The following NEO1 variants were observed in gnomAD, a reference collection of about 807,000 sequenced individuals.
NEO1 encodes neogenin 1.
NEO1 carries 63 observed loss-of-function variants against 159.7 expected under a neutral mutation model. That is an observed-to-expected ratio of 0.39 (90% confidence interval 0.32 to 0.49). The LOEUF (loss-of-function observed/expected upper bound fraction) is 0.49. Ranked by LOEUF, NEO1 falls within the 20% of genes least tolerant of loss-of-function variation. The pLI, the probability that NEO1 is intolerant of heterozygous loss-of-function variation, is 0.85. For missense variants in NEO1, 1,615 were observed against 1,831.0 expected (o/e 0.88, Z 2.15); for synonymous variants, 633 against 662.0 (o/e 0.96, Z 0.67).
chr15:73,079,470 A>G (rs574226196), intron 1 of NEO1, among the ~76,000 whole-genome samples: 2 of 152,274 alleles, frequency 1.3e-5, no homozygotes, highest in African/African-American at 4.8e-5. Flanking sequence ...TATTCAATCA[A>G]TTTTGCTGTT....
chr15:73,116,311 C>G (rs892822264), intron 1 of NEO1, among the ~76,000 whole-genome samples: 1 of 152,042 alleles, frequency 6.6e-6, no homozygotes, highest in Non-Finnish European at 1.5e-5. Context: ...TTGTTTATCT[C>G]AGGTAGAAGG....
chr15:73,090,679 TAGAA>T (rs1030177425), intron 1 of NEO1, among the ~76,000 whole-genome samples: 2 of 152,210 alleles, frequency 1.3e-5, no homozygotes, highest in African/African-American at 2.4e-5. Context: ...ACTATTGTAT[TAGAA>T]AGAATACTAA....
At chr15:73,135,867 T>C in intron 4 of NEO1, 24 bp from the exon 5 acceptor site, 1 of 1,115,802 alleles carries the variant, frequency 9.0e-7, no homozygotes, top group South Asian at 2.3e-5. Flanking sequence ...ATGTATCTTT[T>C]TTTTTTTTTT....
chr15:73,065,133 C>T (rs868422970), intron 1 of NEO1, among the ~76,000 whole-genome samples: 7 of 151,956 alleles, frequency 4.6e-5, no homozygotes, highest in Non-Finnish European at 7.4e-5. Flanking sequence ...TTGTCCTTCT[C>T]TTTTGTTTTA....
intron 1 of NEO1, among the ~76,000 whole-genome samples, chr15:73,077,547 A>G (rs984023591): frequency 3.9e-5 from 6 of 152,206 alleles, no homozygotes; most frequent in African/African-American, 1.4e-4. Context: ...AGCTCTTGGC[A>G]ATTTCAAATA....
chr15:73,168,385 G>GT (rs990669865), intron 5 of NEO1, among the ~76,000 whole-genome samples: 1 of 94,994 alleles, frequency 1.1e-5, no homozygotes, highest in Non-Finnish European at 2.0e-5. Flanking sequence ...GGGGTGGGGG[G>GT]GGGGGGTCTC....
chr15:73,209,225 G>T (rs2037410161), intron 7 of NEO1, among the ~76,000 whole-genome samples: 1 of 152,162 alleles, frequency 6.6e-6, no homozygotes. Flanking sequence ...CTAATCTGTT[G>T]AGAGACACCA....
chr15:73,228,860 C>T (rs1035473844), intron 7 of NEO1, among the ~76,000 whole-genome samples: 1 of 152,116 alleles, frequency 6.6e-6, no homozygotes, highest in African/African-American at 2.4e-5. Flanking sequence ...AATTTCTTGA[C>T]ACCTTGGCCA....
intron 7 of NEO1, among the ~76,000 whole-genome samples, chr15:73,235,421 A>T (rs1272141398): frequency 6.6e-6 from 1 of 152,198 alleles, no homozygotes; most frequent in Non-Finnish European, 1.5e-5. Context: ...TTTGTTTTTC[A>T]TCAGTAGCAT....
intron 5 of NEO1, among the ~76,000 whole-genome samples, chr15:73,160,405 T>A (rs778137114): frequency 3.9e-5 from 6 of 152,224 alleles, no homozygotes; most frequent in Non-Finnish European, 8.8e-5. Context: ...ATACCGAGTT[T>A]ATTTCATATG....
intron 1 of NEO1, among the ~76,000 whole-genome samples, chr15:73,062,220 G>A (rs1330201025): frequency 2.0e-5 from 3 of 151,642 alleles, no homozygotes; most frequent in Non-Finnish European, 4.4e-5. Flanking sequence ...TTTGATAGAA[G>A]AAAAAAAACC....
At chr15:73,120,332 AAAG>A (rs2071571857) in intron 2 of NEO1, among the ~76,000 whole-genome samples, 1 of 151,206 alleles carries the variant, frequency 6.6e-6, no homozygotes, top group Non-Finnish European at 1.5e-5. Context: ...TCAAGGTAAA[AAAG>A]CAGATTTTTT....
chr15:73,244,432 A>G lies in NEO1; in HGVS notation c.1540A>G (p.Met514Val). The G allele has an allele frequency of 6.2e-7, 1 of 1,614,078 alleles. No homozygotes were observed. Among genetic ancestry groups the G allele is most frequent in the South Asian group, 1.1e-5 (1 of 91,076 alleles). Residue 514 changes from methionine (M) to valine (V), a missense_variant, in exon 9 of 29, where the codon ATG (methionine) becomes GTG (valine). Around this residue, in one of 3 missense-constraint regions of NEO1, gnomAD observed 1,018 missense variants for 1,115.4 expected, o/e 0.91. Coordinates refer to ENST00000261908, the MANE Select transcript of NEO1 (RefSeq NM_002499.4). ...AGCGACCGTGTACATCTTTAGAGTTATGGCTCAAAATAAGCATGGCTCAGG... is the reference window on the plus strand; with the variant it reads ...AGCGACCGTGTACATCTTTAGAGTTGTGGCTCAAAATAAGCATGGCTCAGG... The part of the protein sequence containing the change: ...MPATVYIFRV[M>V]AQNKHGSGES...
chr15:73,053,009 C>CG (rs1258616465), intron 1 of NEO1, among the ~76,000 whole-genome samples: 1 of 141,810 alleles, frequency 7.1e-6, no homozygotes, highest in Non-Finnish European at 1.5e-5. Flanking sequence ...GGGCGGCTGC[C>CG]GGGGGGCAGG....
intron 7 of NEO1, among the ~76,000 whole-genome samples, chr15:73,199,955 C>T (rs1388177560): frequency 1.3e-5 from 2 of 152,162 alleles, no homozygotes; most frequent in Non-Finnish European, 2.9e-5. Flanking sequence ...CTAATCACCT[C>T]CCAAAGGCCA....
At chr15:73,121,954 A>G (rs1325136489) in intron 2 of NEO1, among the ~76,000 whole-genome samples, 1 of 151,498 alleles carries the variant, frequency 6.6e-6, no homozygotes, top group Non-Finnish European at 1.5e-5. Context: ...CCAAGAAATT[A>G]TTTAGAAAAG....
intron 7 of NEO1, among the ~76,000 whole-genome samples, chr15:73,181,949 A>G (rs1185832238): frequency 6.9e-6 from 1 of 145,560 alleles, no homozygotes; most frequent in African/African-American, 2.5e-5. Flanking sequence ...CACTGCTGTT[A>G]AAGACATACC....
At chr15:73,291,903 C>T (rs2042178851) in intron 25 of NEO1, among the ~76,000 whole-genome samples, 1 of 152,168 alleles carries the variant, frequency 6.6e-6, no homozygotes, top group Non-Finnish European at 1.5e-5. Context: ...TTTATTCCCC[C>T]TACCCCAGCC....
At chr15:73,213,722 A>G (rs1039603522) in intron 7 of NEO1, among the ~76,000 whole-genome samples, 7 of 152,232 alleles carry the variant, frequency 4.6e-5, no homozygotes, top group African/African-American at 1.4e-4. Flanking sequence ...TTGTGCTGCT[A>G]TAAACGTGCA....
Sources: gnomAD v4.1 joint callset for allele counts (sites outside exome capture counted in the v4.1 genomes callset) on GRCh38, gnomAD v4.1.1 for gene constraint, gnomAD v4.1.1 regional missense constraint, MANE v1.5 for transcripts, NCBI Gene and HGNC (gene_info 2026-07-23, HGNC 2026-07-21) for gene names.